RASL12: variants seen among roughly 807,000 people sequenced by gnomAD.
The protein encoded by RASL12 is RAS like family 12, also known as ras-like protein family member 12.
A neutral mutation model predicts 22.9 loss-of-function variants in RASL12; 16 were observed. The ratio of observed to expected loss-of-function variants is 0.70; its 90% CI spans 0.47 to 1.06. The LOEUF (loss-of-function observed/expected upper bound fraction) is 1.06, where lower values mean the gene tolerates loss of function less well. Ranked by LOEUF, RASL12 falls within the 50% of genes least tolerant of loss-of-function variation. The probability of loss-of-function intolerance (pLI) is 0.00; values close to 1 mark genes in which losing one functional copy is unlikely to be tolerated. For synonymous variants in RASL12, 159 were observed against 152.2 expected, an observed-to-expected ratio of 1.04 and a Z score of -0.33; for missense variants, 306 against 353.1, an observed-to-expected ratio of 0.87 and a Z score of 1.07.
intron 4 of RASL12, among the ~76,000 whole-genome samples, chr15:65,056,337 G>A (rs2086731378): frequency 6.6e-6 from 1 of 152,160 alleles, no homozygotes; most frequent in Non-Finnish European, 1.5e-5. Context: ...GCTTCCCAGA[G>A]TGCCACTCCA....
intron 1 of RASL12, among the ~76,000 whole-genome samples, chr15:65,066,018 GAA>G (rs2086872775): frequency 6.7e-6 from 1 of 149,284 alleles, no homozygotes; most frequent in Non-Finnish European, 1.5e-5. Flanking sequence ...AGAAAGAAAA[GAA>G]AAGAGAAGAG....
chr15:65,070,529 A>G (rs1474905012), upstream of RASL12, among the ~76,000 whole-genome samples: 3 of 152,172 alleles, frequency 2.0e-5, no homozygotes, highest in African/African-American at 7.2e-5. Context: ...ACCCTCATCA[A>G]GGGTCTCATA....
exon 1 of RASL12, chr15:65,076,594 A>G: frequency 1.4e-6 from 1 of 703,866 alleles, no homozygotes; most frequent in South Asian, 1.5e-5. Context: ...ACCCATTATT[A>G]CCATTTCTTC....
At chr15:65,066,521 A>C (rs2086881231) in intron 1 of RASL12, among the ~76,000 whole-genome samples, 1 of 152,114 alleles carries the variant, frequency 6.6e-6, no homozygotes, top group South Asian at 2.1e-4. Context: ...AAAAAAAAAA[A>C]AGTGACATTG....
At chr15:65,069,760 A>G (rs543057051), upstream of RASL12, among the ~76,000 whole-genome samples, 1 of 152,340 alleles carries the variant, frequency 6.6e-6, no homozygotes, top group Non-Finnish European at 1.5e-5. Flanking sequence ...GACCACGTCA[A>G]GGAAGTGTTA....
At chr15:65,070,868 C>T (rs1345755356), upstream of RASL12, among the ~76,000 whole-genome samples, 1 of 152,178 alleles carries the variant, frequency 6.6e-6, no homozygotes, top group Non-Finnish European at 1.5e-5. Flanking sequence ...ATTCAAATTC[C>T]ACTTTACAGA....
chr15:65,061,114 G>A (rs2919355), intron 2 of RASL12, among the ~76,000 whole-genome samples: 3,410 of 152,322 alleles, frequency 0.022, 153 homozygotes, highest in African/African-American at 0.077. Context: ...AGTGAAAGGC[G>A]CTAGCTCAAC....
chr15:65,073,765 T>C (rs1323407819), intron 1 of RASL12, among the ~76,000 whole-genome samples: 1 of 152,248 alleles, frequency 6.6e-6, no homozygotes, highest in African/African-American at 2.4e-5. Context: ...TAATTCATAG[T>C]GTTGCTATAA....
chr15:65,048,545 C>T (rs1360085857), downstream of RASL12, among the ~76,000 whole-genome samples: 1 of 152,156 alleles, frequency 6.6e-6, no homozygotes, highest in Non-Finnish European at 1.5e-5. Flanking sequence ...GAGAATGCTT[C>T]GATCCTCCCT....
At chr15:65,075,776 T>C (rs2086963238) in intron 1 of RASL12, among the ~76,000 whole-genome samples, 1 of 151,988 alleles carries the variant, frequency 6.6e-6, no homozygotes, top group Non-Finnish European at 1.5e-5. Context: ...GCTCAGGGTT[T>C]GTGAGTGCAC....
In RASL12 at chr15:65,067,941, C is replaced by T. The variant is rs1336291732; in HGVS notation, c.-106G>A. ...GGGATGCAGGCTTCCCTGGAGCGCG[C>T]GGCCCCGGACCCGTCGGCGTCCGCG... On this transcript the variant is annotated 5_prime_UTR_variant, in exon 1 of 5. Coordinates refer to ENST00000220062, the MANE Select transcript of RASL12 (RefSeq NM_016563.4). 2.8e-5 allele frequency: 35 copies of T among 1,234,578 alleles called. No individual in the cohort carries two copies. Among genetic ancestry groups the T allele is most frequent in the Non-Finnish European group, 3.3e-5 (33 of 987,936 alleles). The allele number at this position is 1,234,578 out of a possible 1,614,324, so 76.5% of individuals were successfully genotyped here.
upstream of RASL12, among the ~76,000 whole-genome samples, chr15:65,070,982 C>T (rs1211485457): frequency 6.6e-6 from 1 of 152,180 alleles, no homozygotes; most frequent in East Asian, 1.9e-4. Flanking sequence ...AGTGCTCTTC[C>T]TCCTCTAGGT....
intron 1 of RASL12, among the ~76,000 whole-genome samples, chr15:65,066,092 A>C (rs1436988616): frequency 6.6e-6 from 1 of 151,522 alleles, no homozygotes; most frequent in East Asian, 1.9e-4. Flanking sequence ...TAAAAGAAAG[A>C]GAAGGAAAGA....
At chr15:65,060,835 A>G (rs949467951) in intron 2 of RASL12, among the ~76,000 whole-genome samples, 1 of 152,080 alleles carries the variant, frequency 6.6e-6, no homozygotes, top group Non-Finnish European at 1.5e-5. Context: ...GCCTGGACAC[A>G]CTCCAGGTCC....
At chr15:65,070,912 T>C (rs1009657384), upstream of RASL12, among the ~76,000 whole-genome samples, 9 of 152,094 alleles carry the variant, frequency 5.9e-5, no homozygotes, top group Non-Finnish European at 1.3e-4. Flanking sequence ...TTGGGTAGCT[T>C]TTGTAAGTCA....
rs547967526 is a variant in RASL12, at chr15:65,053,552, T to A, written c.*1347A>T. On this transcript the variant is annotated 3_prime_UTR_variant, in exon 5 of 5. Coordinates refer to ENST00000220062, the MANE Select transcript of RASL12 (RefSeq NM_016563.4). ...TTCACAGCCCCCCTCTGACCTCAGC[T>A]CCTCCATTTACAGAATGAGTCCGAA... 13 of 1,014,634 alleles carry A rather than the reference T, an allele frequency of 1.3e-5. No homozygotes were observed. The African/African-American group carries it at 2.3e-4, about 18-fold the overall frequency. 62.9% of individuals were successfully genotyped at this position (1,014,634 alleles called of 1,614,324 possible). A position where few individuals can be genotyped will look rare whatever the true frequency, so the allele number is the denominator to read the frequency against.
At chr15:65,050,810 C>CTT (rs111590431), downstream of RASL12, among the ~76,000 whole-genome samples, 2,086 of 127,112 alleles carry the variant, frequency 0.016, 60 homozygotes, top group African/African-American at 0.048. Context: ...TCTTTCTTTC[C>CTT]TTTTTTTTTC....
downstream of RASL12, among the ~76,000 whole-genome samples, chr15:65,048,631 A>T (rs1217106054): frequency 1.3e-5 from 2 of 152,146 alleles, no homozygotes; most frequent in East Asian, 1.9e-4. Context: ...GTTTTATTTT[A>T]GTTACGTTTA....
downstream of RASL12, chr15:65,051,694 G>T: frequency 7.8e-7 from 1 of 1,285,772 alleles, no homozygotes; most frequent in Non-Finnish European, 1.1e-6. Context: ...GGGTCACTTA[G>T]GGGTCATTGC....
Sources: gnomAD v4.1 joint callset for allele counts (sites outside exome capture counted in the v4.1 genomes callset) on GRCh38, gnomAD v4.1.1 for gene constraint, MANE v1.5 for transcripts, NCBI Gene and HGNC (gene_info 2026-07-23, HGNC 2026-07-21) for gene names.